The following DAPK2 variants were observed in gnomAD, a reference collection of about 807,000 sequenced individuals.
DAPK2 encodes the protein death associated protein kinase 2.
A neutral mutation model predicts 44.1 loss-of-function variants in DAPK2; 35 were observed. The ratio of observed to expected loss-of-function variants is 0.79; its 90% CI spans 0.61 to 1.05. DAPK2 has a LOEUF of 1.05. DAPK2 is among the 50% of genes least tolerant of loss of function. DAPK2 has a pLI of 0.00. For synonymous variants in DAPK2, 174 were observed against 182.6 expected (o/e 0.95, Z 0.38); for missense variants, 453 against 483.2 (o/e 0.94, Z 0.59).
At chr15:63,995,758 T>C (rs1400746121) in intron 1 of DAPK2, among the ~76,000 whole-genome samples, 2 of 152,232 alleles carry the variant, frequency 1.3e-5, no homozygotes, top group Non-Finnish European at 2.9e-5. Context: ...AAGGAAGGCA[T>C]GGCATTGGAG....
chr15:64,042,471 C>A (rs1419196954), upstream of DAPK2, among the ~76,000 whole-genome samples: 1 of 152,194 alleles, frequency 6.6e-6, no homozygotes, highest in Non-Finnish European at 1.5e-5. This position sits in a 1 kb window ranked among gnomAD's most constrained non-coding sequence, Gnocchi z 4.7. Context: ...GGCAGAAACC[C>A]TGAGAGTGGT....
At chr15:64,021,511 G>A (rs1357054049) in intron 1 of DAPK2, among the ~76,000 whole-genome samples, 1 of 152,222 alleles carries the variant, frequency 6.6e-6, no homozygotes, top group Non-Finnish European at 1.5e-5. Flanking sequence ...ACAGCTGATG[G>A]CTTTACCAGC....
intron 3 of DAPK2, among the ~76,000 whole-genome samples, chr15:63,957,940 C>T (rs1222092330): frequency 2.0e-5 from 3 of 152,176 alleles, no homozygotes; most frequent in African/African-American, 4.8e-5. Context: ...ACACTGTCTT[C>T]CACAATGGTT....
rs1002493520 is a variant in DAPK2, at chr15:63,980,192, G to A, written c.314+3341C>T. On this transcript the variant is annotated intron_variant, in intron 2 of 10. Transcript: ENST00000261891. The surrounding 1 kb of genome is among the most constrained non-coding windows in gnomAD (Gnocchi z 4.3). ...CGTGACAACTGATGTTACAGATGGT[G>A]CACCTGAGCTCACAAGAAGCCGGCA... Among the ~76,000 whole-genome samples, 1 of 152,162 alleles carries A rather than the reference G, an allele frequency of 6.6e-6. No individual in the cohort carries two copies. Among genetic ancestry groups the A allele is most frequent in the African/African-American group, 2.4e-5 (1 of 41,428 alleles).
intron 3 of DAPK2, among the ~76,000 whole-genome samples, chr15:63,951,833 C>T (rs971702948): frequency 1.3e-4 from 20 of 152,222 alleles, no homozygotes; most frequent in African/African-American, 3.9e-4. Context: ...TTTTCACTAA[C>T]GCATTCACTC....
rs533627989 is a variant in DAPK2, at chr15:63,989,499, C to T, written c.93-5745G>A. On this transcript the variant is annotated intron_variant, in intron 1 of 10. Transcript: ENST00000261891. ...CTGACTCCGGCTACAATGAGGCTCT[C>T]GAGGTAACTGACCAGTAGTGTGTAC... Among the ~76,000 whole-genome samples, 11 of 152,278 alleles carry T rather than the reference C, an allele frequency of 7.2e-5. No individual in the cohort carries two copies. In the South Asian group the frequency reaches 1.7e-3, roughly 23 times the overall value.
At chr15:64,004,225 T>C (rs1460507732) in intron 1 of DAPK2, among the ~76,000 whole-genome samples, 1 of 152,226 alleles carries the variant, frequency 6.6e-6, no homozygotes, top group African/African-American at 2.4e-5. Context: ...CACTTCCTGA[T>C]AGTATTGTTT....
upstream of DAPK2, among the ~76,000 whole-genome samples, chr15:64,044,733 C>T (rs537621962): frequency 1.1e-3 from 166 of 152,286 alleles, 2 homozygotes; most frequent in South Asian, 0.027. Flanking sequence ...TCAAGAAGCC[C>T]TCTCCACCAC....
At chr15:64,007,024 C>T (rs1405548868) in intron 1 of DAPK2, among the ~76,000 whole-genome samples, 3 of 152,062 alleles carry the variant, frequency 2.0e-5, no homozygotes, top group African/African-American at 7.2e-5. Flanking sequence ...AGTGGTGGGC[C>T]CACCCTCACT....
chr15:64,008,620 C>T (rs1481824528), intron 1 of DAPK2, among the ~76,000 whole-genome samples: 1 of 152,080 alleles, frequency 6.6e-6, no homozygotes, highest in African/African-American at 2.4e-5. Context: ...ATTAAAATAG[C>T]AAGTATGAAC....
At chr15:63,962,731 C>T (rs2077944163) in intron 3 of DAPK2, among the ~76,000 whole-genome samples, 1 of 152,204 alleles carries the variant, frequency 6.6e-6, no homozygotes, top group African/African-American at 2.4e-5. Context: ...CAGAGGGGCA[C>T]CTGGCTGTAT....
At chr15:63,958,567 C>T (rs2077794052) in intron 3 of DAPK2, among the ~76,000 whole-genome samples, 1 of 152,198 alleles carries the variant, frequency 6.6e-6, no homozygotes, top group Non-Finnish European at 1.5e-5. Context: ...CAGCTTTCTA[C>T]ATATAGCTAG....
intron 1 of DAPK2, among the ~76,000 whole-genome samples, chr15:63,984,966 T>G (rs2078629007): frequency 6.6e-6 from 1 of 152,210 alleles, no homozygotes; most frequent in Admixed American, 6.5e-5. Flanking sequence ...AAGCAACAGA[T>G]ACATAGGCCA....
intron 8 of DAPK2, among the ~76,000 whole-genome samples, chr15:63,924,183 C>T (rs1440030473): frequency 6.6e-6 from 1 of 152,192 alleles, no homozygotes; most frequent in Non-Finnish European, 1.5e-5. Flanking sequence ...CCACAAGAGC[C>T]TCTGGAAAGC....
At chr15:63,929,783 G>A (rs1246443489) in intron 5 of DAPK2, 1 of 690,578 alleles carries the variant, frequency 1.4e-6, no homozygotes, top group Non-Finnish European at 2.6e-6. Context: ...TGAACCCTGA[G>A]TCCGAAGACC....
At chr15:64,033,286 GGGGAAGGAAGGA>G (rs1368365592) in intron 1 of DAPK2, among the ~76,000 whole-genome samples, 57 of 97,882 alleles carry the variant, frequency 5.8e-4, no homozygotes, top group East Asian at 2.6e-3. Flanking sequence ...AAGGGGGAAG[GGGGAAGGAAGGA>G]AGGAAGGAAG....
At chr15:63,952,772 C>A (rs2077626691) in intron 3 of DAPK2, among the ~76,000 whole-genome samples, 1 of 152,058 alleles carries the variant, frequency 6.6e-6, no homozygotes, top group African/African-American at 2.4e-5. Context: ...GGGTATCCAT[C>A]ATCTCAAGCA....
chr15:64,007,826 T>C (rs1211461682), intron 1 of DAPK2, among the ~76,000 whole-genome samples: 1 of 152,184 alleles, frequency 6.6e-6, no homozygotes, highest in East Asian at 1.9e-4. Flanking sequence ...TACAACTGGA[T>C]ATTATTTGGC....
At chr15:63,961,073 G>T (rs2077887131) in intron 3 of DAPK2, among the ~76,000 whole-genome samples, 1 of 152,214 alleles carries the variant, frequency 6.6e-6, no homozygotes, top group African/African-American at 2.4e-5. Flanking sequence ...AGCACTTCTT[G>T]TTGAATTGAT....
Sources: gnomAD v4.1 joint callset for allele counts (sites outside exome capture counted in the v4.1 genomes callset) on GRCh38, gnomAD v4.1.1 for gene constraint, Gnocchi (gnomAD v3.1) non-coding constraint, MANE v1.5 for transcripts, NCBI Gene and HGNC (gene_info 2026-07-23, HGNC 2026-07-21) for gene names.